Variants in AFAP1 observed in about 807,000 individuals in gnomAD.
AFAP1 encodes the protein actin filament-associated protein 1.
A neutral mutation model predicts 93.9 loss-of-function variants in AFAP1; 75 were observed. The observed-to-expected ratio is 0.80, with a 90% CI of 0.66 to 0.97. The LOEUF is 0.97. Among genes scored for constraint, AFAP1 ranks in the 50% least tolerant of loss-of-function variants. The pLI is 0.00. For synonymous variants in AFAP1, 517 were observed against 430.7 expected, an observed-to-expected ratio of 1.20 and a Z score of -2.48; for missense variants, 1,201 against 1,050.8, an observed-to-expected ratio of 1.14 and a Z score of -1.98.
At chr4:7,774,551 C>G (rs1715890359) in intron 15 of AFAP1, 188 bp downstream of exon 15, 2 of 886,180 alleles carry the variant, frequency 2.3e-6, no homozygotes, top group African/African-American at 1.7e-5. Flanking sequence ...GCATGTTTGA[C>G]CACACAGGCA....
At chr4:7,916,253 T>C (rs1481283397) in intron 1 of AFAP1, among the ~76,000 whole-genome samples, 2 of 152,222 alleles carry the variant, frequency 1.3e-5, no homozygotes, top group Non-Finnish European at 2.9e-5. Flanking sequence ...GTGCCTTCTG[T>C]ACAGGAGACA....
intron 1 of AFAP1, among the ~76,000 whole-genome samples, chr4:7,912,998 G>C (rs1719824210): frequency 5.3e-5 from 8 of 152,048 alleles, no homozygotes; most frequent in Admixed American, 5.2e-4. Context: ...CAGGCAGGTG[G>C]CACCATGCCC....
At chr4:7,792,284 T>C (rs1717930983) in intron 11 of AFAP1, among the ~76,000 whole-genome samples, 1 of 152,118 alleles carries the variant, frequency 6.6e-6, no homozygotes, top group Admixed American at 6.6e-5. Context: ...TAGGAATAGA[T>C]CTTTCCCCAA....
intron 17 of AFAP1, among the ~76,000 whole-genome samples, chr4:7,765,119 C>CAATT (rs1392804922): frequency 6.6e-6 from 1 of 152,072 alleles, no homozygotes; most frequent in Non-Finnish European, 1.5e-5. Flanking sequence ...ATCAATCAAT[C>CAATT]GCTAAGGAGA....
intron 11 of AFAP1, among the ~76,000 whole-genome samples, chr4:7,790,668 C>G (rs987017595): frequency 6.6e-6 from 1 of 152,172 alleles, no homozygotes; most frequent in Non-Finnish European, 1.5e-5. Flanking sequence ...TTTAAAAACA[C>G]TTTAAATGTG....
intron 10 of AFAP1, among the ~76,000 whole-genome samples, chr4:7,798,519 T>C (rs1383828153): frequency 6.6e-6 from 1 of 152,222 alleles, no homozygotes; most frequent in Non-Finnish European, 1.5e-5. Flanking sequence ...GTCAGGCTTC[T>C]TGCTTACATT....
chr4:7,890,990 C>T (rs1337169250), intron 1 of AFAP1, among the ~76,000 whole-genome samples: 2 of 152,044 alleles, frequency 1.3e-5, no homozygotes, highest in African/African-American at 4.8e-5. Context: ...CAGCCCAAAA[C>T]TGAGCACAGC....
intron 3 of AFAP1, among the ~76,000 whole-genome samples, chr4:7,859,057 C>T (rs927094191): frequency 6.6e-6 from 1 of 152,226 alleles, no homozygotes; most frequent in Non-Finnish European, 1.5e-5. Flanking sequence ...CGTGCACATG[C>T]CCCTAACACG....
At chr4:7,923,130 GAAGAC>G (rs6148293) in intron 1 of AFAP1, among the ~76,000 whole-genome samples, 47,349 of 151,876 alleles carry the variant, frequency 0.31, 7,634 homozygotes, top group South Asian at 0.41. Flanking sequence ...GCTATTATAA[GAAGAC>G]AAGACTCAAT....
At chr4:7,847,586 G>T (rs1713863878) in intron 4 of AFAP1, among the ~76,000 whole-genome samples, 1 of 152,254 alleles carries the variant, frequency 6.6e-6, no homozygotes, top group Admixed American at 6.5e-5. Context: ...ACCAGCCAGA[G>T]CTGTGGTCTA....
intron 1 of AFAP1, among the ~76,000 whole-genome samples, chr4:7,879,496 T>A (rs1717718342): frequency 6.6e-6 from 1 of 152,096 alleles, no homozygotes. Flanking sequence ...GACACAGGAA[T>A]AAATCACTGA....
At position 7,838,554 on chromosome 4, in the gene AFAP1, C is replaced by T; in HGVS notation, c.696G>A (p.Gln232=). Residue 232 remains glutamine, a synonymous_variant, in exon 6 of 18, where the codon CAG becomes CAA. Coordinates refer to ENST00000420658, the MANE Select transcript of AFAP1 (RefSeq NM_001134647.2). ...QGTDPLVLAV[Q]SKEQAEQWLK... ...GCCACTGCTCGGCCTGTTCCTTGCT[C>T]TGGACGGCGAGAACAAGCGGGTCCG... 2.5e-6 allele frequency: 4 copies of T among 1,614,066 alleles called. No individual in the cohort carries two copies. Among genetic ancestry groups the T allele is most frequent in the Non-Finnish European group, 3.4e-6 (4 of 1,179,966 alleles).
In AFAP1 at chr4:7,763,332, G is replaced by T. The variant is rs1166097047; in HGVS notation, c.*433C>A. 1 of 143,990 alleles carries T rather than the reference G, an allele frequency of 6.9e-6. No individual in the cohort carries two copies. The highest frequency in any genetic ancestry group is 1.2e-5 in the Non-Finnish European group (1 of 81,450). The allele number at this position is 143,990 out of a possible 1,614,324, so 8.9% of individuals were successfully genotyped here. ...GTGCAAGGCGAGCCCAGTGCCCATGGCCAGCCACACTCATGCCCGGGGCAG... is the reference window on the plus strand; with the variant it reads ...GTGCAAGGCGAGCCCAGTGCCCATGTCCAGCCACACTCATGCCCGGGGCAG... On this transcript the variant is annotated 3_prime_UTR_variant, in exon 18 of 18. Coordinates refer to ENST00000420658, the MANE Select transcript of AFAP1 (RefSeq NM_001134647.2).
intron 12 of AFAP1, among the ~76,000 whole-genome samples, chr4:7,783,072 AG>A (rs907573639): frequency 5.9e-5 from 9 of 152,198 alleles, no homozygotes; most frequent in Non-Finnish European, 1.0e-4. Context: ...TCTAAGCATC[AG>A]GGGGAACGTT....
In AFAP1 at chr4:7,788,433, G is replaced by T. The variant is rs192743923; in HGVS notation, c.1413-2122C>A. Among the ~76,000 whole-genome samples, 705 of 152,378 alleles carry T rather than the reference G, an allele frequency of 4.6e-3. 4 individuals are homozygous for T. The highest frequency in any genetic ancestry group is 0.016 in the African/African-American group (666 of 41,590). On this transcript the variant is annotated intron_variant, in intron 11 of 17. Transcript: ENST00000420658. ...AAATGGCTCCTCACAGAGCGCGTGT[G>T]CGCCCCATGCTGGGGAGGGACGCCA...
intron 10 of AFAP1, among the ~76,000 whole-genome samples, chr4:7,797,995 A>G (rs1329943215): frequency 6.6e-6 from 1 of 152,234 alleles, no homozygotes; most frequent in Non-Finnish European, 1.5e-5. Context: ...CCTTCGTGCT[A>G]TCCTTGCAAC....
chr4:7,930,213 G>A (rs1560241804), intron 1 of AFAP1, among the ~76,000 whole-genome samples: 1 of 152,158 alleles, frequency 6.6e-6, no homozygotes, highest in South Asian at 2.1e-4. Flanking sequence ...AGACGCACAG[G>A]GCACACCACG....
At chr4:7,791,842 C>CA (rs111676909) in intron 11 of AFAP1, among the ~76,000 whole-genome samples, 44,007 of 139,958 alleles carry the variant, frequency 0.31, 7,128 homozygotes, top group East Asian at 0.45. Flanking sequence ...AACCCTTAAT[C>CA]AAAAAAAAAC....
chr4:7,865,087 G>A (rs1716252085), intron 3 of AFAP1, among the ~76,000 whole-genome samples: 1 of 152,082 alleles, frequency 6.6e-6, no homozygotes, highest in Non-Finnish European at 1.5e-5. Flanking sequence ...TCTAAACTCA[G>A]ATTGTGTTAC....
Sources: allele counts gnomAD v4.1 joint callset (sites outside exome capture counted in the v4.1 genomes callset), GRCh38; gene constraint gnomAD v4.1.1; transcripts MANE v1.5; gene names NCBI Gene and HGNC (gene_info 2026-07-23, HGNC 2026-07-21).